The following SMAD3 variants were observed in gnomAD, a reference collection of about 807,000 sequenced individuals.
The protein encoded by SMAD3 is SMAD family member 3.
In SMAD3, 12 loss-of-function variants were observed where a neutral mutation model predicts 51.8. That is an observed-to-expected ratio of 0.23 (90% confidence interval 0.15 to 0.38). The LOEUF is 0.38. Among genes scored for constraint, SMAD3 ranks in the 10% least tolerant of loss-of-function variants. SMAD3 has a pLI of 1.00. For synonymous variants in SMAD3, 238 were observed against 227.7 expected, an observed-to-expected ratio of 1.05 and a Z score of -0.41; for missense variants, 294 against 565.6, an observed-to-expected ratio of 0.52 and a Z score of 4.87.
intron 1 of SMAD3, among the ~76,000 whole-genome samples, chr15:67,116,827 C>T (rs1020804435): frequency 1.3e-5 from 2 of 152,120 alleles, no homozygotes; most frequent in Non-Finnish European, 2.9e-5. Context: ...ACCAGCTAAC[C>T]AGCTTTCTGC....
intron 1 of SMAD3, among the ~76,000 whole-genome samples, chr15:67,129,344 T>C (rs947772025): frequency 6.6e-6 from 1 of 152,346 alleles, no homozygotes; most frequent in South Asian, 2.1e-4. Flanking sequence ...CCCCCACTTG[T>C]TCTTGGTTTT....
intron 1 of SMAD3, among the ~76,000 whole-genome samples, chr15:67,068,527 C>G (rs1173942015): frequency 1.3e-5 from 2 of 152,220 alleles, no homozygotes; most frequent in African/African-American, 4.8e-5. Flanking sequence ...CGTGTGAACG[C>G]TTTGGATGAT....
chr15:67,184,909 AGT>A, intron 7 of SMAD3, 45 bp downstream of exon 7: 1 of 1,610,746 alleles, frequency 6.2e-7, no homozygotes, highest in Non-Finnish European at 8.5e-7. Flanking sequence ...TCCCTCTCCG[AGT>A]GCATGCCTAG....
At chr15:67,098,353 A>AGC (rs386383339) in intron 1 of SMAD3, among the ~76,000 whole-genome samples, 2 of 129,922 alleles carry the variant, frequency 1.5e-5, no homozygotes, top group East Asian at 3.0e-4. Context: ...GGAGGGAGAG[A>AGC]GCGAGCGAGC....
chr15:67,129,176 G>A (rs1432248209), intron 1 of SMAD3, among the ~76,000 whole-genome samples: 3 of 152,156 alleles, frequency 2.0e-5, no homozygotes, highest in Non-Finnish European at 2.9e-5. Flanking sequence ...ACCTCACTAT[G>A]GGAAACATAA....
chr15:67,137,688 C>T (rs1053940381), intron 1 of SMAD3, among the ~76,000 whole-genome samples: 6 of 152,160 alleles, frequency 3.9e-5, no homozygotes, highest in African/African-American at 1.4e-4. Flanking sequence ...TTATTTTCAA[C>T]AAATGTTTTT....
chr15:67,172,641 C>T (rs531436195), intron 5 of SMAD3, among the ~76,000 whole-genome samples: 1 of 152,308 alleles, frequency 6.6e-6, no homozygotes, highest in East Asian at 1.9e-4. Flanking sequence ...AAGGCAGAAG[C>T]GTTGTGATTT....
intron 1 of SMAD3, among the ~76,000 whole-genome samples, chr15:67,074,273 CT>C (rs1960119927): frequency 6.6e-6 from 1 of 152,138 alleles, no homozygotes; most frequent in South Asian, 2.1e-4. Flanking sequence ...AGTTTTTCTT[CT>C]TTTGTTGCTA....
intron 1 of SMAD3, among the ~76,000 whole-genome samples, chr15:67,104,130 T>C (rs1004180591): frequency 6.6e-6 from 1 of 152,164 alleles, no homozygotes; most frequent in Non-Finnish European, 1.5e-5. Flanking sequence ...TTTCAGGATT[T>C]TCGTCTGCCC....
chr15:67,104,264 T>C (rs1385783365), intron 1 of SMAD3, among the ~76,000 whole-genome samples: 2 of 152,318 alleles, frequency 1.3e-5, no homozygotes, highest in East Asian at 3.9e-4. Flanking sequence ...CACTGAGTGT[T>C]TGAATGAATG....
intron 1 of SMAD3, among the ~76,000 whole-genome samples, chr15:67,162,960 GA>G (rs1962470625): frequency 6.6e-6 from 1 of 151,248 alleles, no homozygotes; most frequent in Non-Finnish European, 1.5e-5. Flanking sequence ...TGATGATGAT[GA>G]TGATGATGAT....
intron 1 of SMAD3, among the ~76,000 whole-genome samples, chr15:67,116,458 C>T (rs1369121493): frequency 6.6e-6 from 1 of 152,190 alleles, no homozygotes; most frequent in Non-Finnish European, 1.5e-5. Context: ...ATCTCGGGCA[C>T]AGGGATAACG....
chr15:67,093,878 T>G (rs1482634732), intron 1 of SMAD3, among the ~76,000 whole-genome samples: 1 of 152,224 alleles, frequency 6.6e-6, no homozygotes, highest in Non-Finnish European at 1.5e-5. Context: ...TGCAGAGTTC[T>G]GTGAAGTGGT....
chr15:67,100,143 T>C (rs1187722383), intron 1 of SMAD3, among the ~76,000 whole-genome samples: 1 of 141,200 alleles, frequency 7.1e-6, no homozygotes, highest in East Asian at 2.1e-4. Context: ...ATCGCACCCT[T>C]GCACTCCAGC....
In SMAD3 at chr15:67,081,208, TG is replaced by T. The variant is rs1960273881; in HGVS notation, c.206+14853del. Among the ~76,000 whole-genome samples the T allele has an allele frequency of 2.0e-5, 3 of 152,164 alleles. No homozygotes were observed. In the South Asian group the frequency reaches 6.2e-4, roughly 32 times the overall value. Reference sequence around the variant, plus strand: ...CCCCACAGACACGCGGAGGCATGTGTGGGGGTGGCATGGACAGAGAGTATTC... The same window carrying T: ...CCCCACAGACACGCGGAGGCATGTGTGGGGTGGCATGGACAGAGAGTATTC... On this transcript the variant is annotated intron_variant, in intron 1 of 8. Transcript: ENST00000327367.
At chr15:67,131,543 G>A (rs927298234) in intron 1 of SMAD3, among the ~76,000 whole-genome samples, 1 of 152,214 alleles carries the variant, frequency 6.6e-6, no homozygotes, top group African/African-American at 2.4e-5. Flanking sequence ...TGCGCAGGGT[G>A]CTGGTCACAG....
At chr15:67,127,059 T>C (rs1352581860) in intron 1 of SMAD3, among the ~76,000 whole-genome samples, 2 of 152,152 alleles carry the variant, frequency 1.3e-5, no homozygotes, top group Non-Finnish European at 1.5e-5. Context: ...ATGGGATCCA[T>C]TTAGCTCTCA....
rs1695559347 is a variant in SMAD3, at chr15:67,190,734, A to G, written c.*198A>G. 1.7e-5 allele frequency: 11 copies of G among 628,570 alleles called. No homozygotes were observed. Among genetic ancestry groups the G allele is most frequent in the Non-Finnish European group, 3.1e-5 (11 of 353,834 alleles). The allele number at this position is 628,570 out of a possible 1,614,324, so 38.9% of individuals were successfully genotyped here. On this transcript the variant is annotated 3_prime_UTR_variant, in exon 9 of 9. Coordinates refer to ENST00000327367, the MANE Select transcript of SMAD3 (RefSeq NM_005902.4). ...GATGTTATGAACAGCTGTGTCTGCC[A>G]AACACATTTACCCTTTGGCCCCACT... is the stretch of plus-strand genomic sequence containing the variant.
intron 2 of SMAD3, 74 bp from the exon 3 acceptor site, chr15:67,165,179 C>T: frequency 6.2e-7 from 1 of 1,613,000 alleles, no homozygotes; most frequent in Admixed American, 1.7e-5. Flanking sequence ...CTGCGGTGCA[C>T]TTGGGGGTGC....
Sources: gnomAD v4.1 joint callset for allele counts (sites outside exome capture counted in the v4.1 genomes callset) on GRCh38, gnomAD v4.1.1 for gene constraint, MANE v1.5 for transcripts, NCBI Gene and HGNC (gene_info 2026-07-23, HGNC 2026-07-21) for gene names.